SRPK2: variants seen among roughly 807,000 people sequenced by gnomAD.
SRPK2 encodes SRSF protein kinase 2, also known as SFRS protein kinase 2.
Under a neutral mutation model 90.8 loss-of-function variants are expected in SRPK2, and 21 were observed. The ratio of observed to expected loss-of-function variants is 0.23; its 90% CI spans 0.16 to 0.33. The LOEUF (loss-of-function observed/expected upper bound fraction) is 0.33. SRPK2 is among the 10% of genes least tolerant of loss of function. SRPK2 has a pLI of 1.00. For synonymous variants in SRPK2, 288 were observed against 311.1 expected (o/e 0.93, Z 0.78); for missense variants, 620 against 869.0 (o/e 0.71, Z 3.60).
intron 2 of SRPK2, among the ~76,000 whole-genome samples, chr7:105,360,404 C>T (rs4507704): frequency 0.97 from 147,655 of 152,314 alleles, 71,742 homozygotes; most frequent in East Asian, 1. Flanking sequence ...CTGTGTGAAT[C>T]TGATCCTGTC....
chr7:105,376,846 CCCTT>C (rs1820367740), intron 2 of SRPK2, among the ~76,000 whole-genome samples: 1 of 101,518 alleles, frequency 9.9e-6, no homozygotes, highest in Admixed American at 1.2e-4. Context: ...CCCCCCACCC[CCCTT>C]TTTTTTTTAA....
intron 2 of SRPK2, among the ~76,000 whole-genome samples, chr7:105,217,935 CAT>C (rs1368016965): frequency 6.6e-6 from 1 of 152,120 alleles, no homozygotes; most frequent in African/African-American, 2.4e-5. Flanking sequence ...AAAAACAAAA[CAT>C]GTGGAAAGGT....
intron 2 of SRPK2, among the ~76,000 whole-genome samples, chr7:105,365,516 A>G (rs1307291970): frequency 7.0e-6 from 1 of 143,868 alleles, no homozygotes; most frequent in Non-Finnish European, 1.5e-5. Flanking sequence ...AAAATTATAT[A>G]TATATATATA....
intron 2 of SRPK2, among the ~76,000 whole-genome samples, chr7:105,243,565 A>G (rs1284516223): frequency 1.4e-5 from 2 of 141,816 alleles, no homozygotes; most frequent in East Asian, 4.6e-4. Context: ...CAGGAGGTGG[A>G]GGCTGCAGTG....
rs1303357230 is a variant in SRPK2, at chr7:105,158,187, ACTTGCTAAGG to A, written c.621+2310_621+2319del. On this transcript the variant is annotated intron_variant, in intron 7 of 15. Coordinates refer to ENST00000393651, the MANE Select transcript of SRPK2 (RefSeq NM_182692.3). ...ATCTTTCAACTTACAGACTCCTTCA[ACTTGCTAAGG>A]CTATATTTTCTTCTCTAGAAGATAA... Among the ~76,000 whole-genome samples, 3 of 152,176 alleles carry A rather than the reference ACTTGCTAAGG, an allele frequency of 2.0e-5. No homozygotes were observed. The East Asian group carries it at 5.8e-4, about 29-fold the overall frequency.
chr7:105,161,126 C>A (rs1009239267), intron 6 of SRPK2, among the ~76,000 whole-genome samples: 27 of 152,172 alleles, frequency 1.8e-4, no homozygotes, highest in African/African-American at 6.3e-4. Flanking sequence ...AGGGTTTCAC[C>A]ATGTTAGCCA....
intron 2 of SRPK2, among the ~76,000 whole-genome samples, chr7:105,263,322 CAA>C (rs879485980): frequency 2.2e-5 from 3 of 134,458 alleles, no homozygotes; most frequent in African/African-American, 5.5e-5. Context: ...AACTCCATTT[CAA>C]AAAAAAAAAA....
In SRPK2 at chr7:105,383,052, A is replaced by ATTTTTTTT. The variant is rs1563315577; in HGVS notation, c.71+5595_71+5596insAAAAAAAA. The stretch of plus-strand genomic sequence containing the variant: ...AGTCTGAAATTATTTCAAAAGTAAA[A>ATTTTTTTT]ATTTTTTTTTTTTTTTTTTTTTTTT... On this transcript the variant is annotated intron_variant, in intron 2 of 15. Coordinates refer to ENST00000393651, the MANE Select transcript of SRPK2 (RefSeq NM_182692.3). Among the ~76,000 whole-genome samples the ATTTTTTTT allele has an allele frequency of 8.2e-3, 865 of 105,270 alleles. 200 individuals are homozygous for ATTTTTTTT. Among genetic ancestry groups the ATTTTTTTT allele is most frequent in the African/African-American group, 0.027 (708 of 26,512 alleles). The allele number at this position is 105,270 out of a possible 152,430, so 69.1% of individuals were successfully genotyped here.
intron 2 of SRPK2, among the ~76,000 whole-genome samples, chr7:105,327,958 A>G (rs1398570107): frequency 1.3e-5 from 2 of 152,156 alleles, no homozygotes; most frequent in Non-Finnish European, 2.9e-5. Flanking sequence ...CCACCACCAC[A>G]GCAGGCTAAT....
chr7:105,213,008 A>T lies in SRPK2; in HGVS notation c.72-9223T>A, dbSNP rs559168982. Among the ~76,000 whole-genome samples, 15 of 152,342 alleles carry T rather than the reference A, an allele frequency of 9.8e-5. No homozygotes were observed. In the South Asian group the frequency reaches 3.1e-3, roughly 32 times the overall value. On this transcript the variant is annotated intron_variant, in intron 2 of 15. Coordinates refer to ENST00000393651, the MANE Select transcript of SRPK2 (RefSeq NM_182692.3). ...GACATAACTGAAAGTATATAGGAGC[A>T]TGTGCACAGGTGACATGCAAATACT...
At chr7:105,240,633 T>C (rs541357919) in intron 2 of SRPK2, among the ~76,000 whole-genome samples, 3 of 152,236 alleles carry the variant, frequency 2.0e-5, no homozygotes, top group Admixed American at 6.5e-5. Context: ...AGCCTAACCA[T>C]AGATTGTAGT....
chr7:105,242,645 A>G (rs1800970541), intron 2 of SRPK2, among the ~76,000 whole-genome samples: 1 of 152,250 alleles, frequency 6.6e-6, no homozygotes, highest in Non-Finnish European at 1.5e-5. Flanking sequence ...GCAGGTGTGC[A>G]TGCACACATG....
intron 2 of SRPK2, among the ~76,000 whole-genome samples, chr7:105,270,749 T>C (rs1805728875): frequency 6.6e-6 from 1 of 152,122 alleles, no homozygotes; most frequent in African/African-American, 2.4e-5. Context: ...TTGGAGAAAT[T>C]ACTTAAACTC....
At chr7:105,291,695 A>T (rs567575971) in intron 2 of SRPK2, among the ~76,000 whole-genome samples, 4 of 152,108 alleles carry the variant, frequency 2.6e-5, no homozygotes, top group Non-Finnish European at 4.4e-5. Flanking sequence ...GCACCACTGC[A>T]CTCCAGCCTG....
chr7:105,308,034 C>T (rs1811327883), intron 2 of SRPK2, among the ~76,000 whole-genome samples: 1 of 152,142 alleles, frequency 6.6e-6, no homozygotes, highest in Non-Finnish European at 1.5e-5. Flanking sequence ...AATGGGAGAA[C>T]TTAGTAATAT....
intron 2 of SRPK2, among the ~76,000 whole-genome samples, chr7:105,383,018 G>C (rs1180439833): frequency 1.4e-5 from 2 of 146,436 alleles, no homozygotes; most frequent in Non-Finnish European, 3.0e-5. Flanking sequence ...ACTTTTGCAA[G>C]GTCTTGTGAG....
chr7:105,171,113 GA>G (rs950294498), intron 3 of SRPK2, among the ~76,000 whole-genome samples: 1 of 151,874 alleles, frequency 6.6e-6, no homozygotes, highest in African/African-American at 2.4e-5. Context: ...GGGAGAGGAA[GA>G]AATCAGCTAT....
chr7:105,217,773 G>A (rs1250101136), intron 2 of SRPK2, among the ~76,000 whole-genome samples: 1 of 152,140 alleles, frequency 6.6e-6, no homozygotes, highest in Admixed American at 6.5e-5. Context: ...CATGGTACCA[G>A]GAATCTAACA....
intron 11 of SRPK2, among the ~76,000 whole-genome samples, chr7:105,138,264 C>T (rs1803183423): frequency 6.6e-6 from 1 of 152,168 alleles, no homozygotes; most frequent in Non-Finnish European, 1.5e-5. Flanking sequence ...GATAAAAACA[C>T]ACTGCACTCT....
Sources: allele counts gnomAD v4.1 joint callset (sites outside exome capture counted in the v4.1 genomes callset), GRCh38; gene constraint gnomAD v4.1.1; transcripts MANE v1.5; gene names NCBI Gene and HGNC (gene_info 2026-07-23, HGNC 2026-07-21).